Variants in PPFIA4 observed in about 807,000 individuals in gnomAD.
The protein encoded by PPFIA4 is PPFI scaffold protein A4.
PPFIA4 carries 98 observed loss-of-function variants against 145.7 expected under a neutral mutation model. The observed-to-expected ratio is 0.67, with a 90% CI of 0.57 to 0.80. The LOEUF is 0.80. Among genes scored for constraint, PPFIA4 ranks in the 30% least tolerant of loss-of-function variants. PPFIA4 has a pLI of 0.00. For missense variants in PPFIA4, 1,457 were observed against 1,632.7 expected, an observed-to-expected ratio of 0.89 and a Z score of 1.85; for synonymous variants, 628 against 649.6, an observed-to-expected ratio of 0.97 and a Z score of 0.51.
intron 9 of PPFIA4, among the ~76,000 whole-genome samples, chr1:203,047,495 G>A (rs1255794468): frequency 6.6e-6 from 1 of 152,188 alleles, no homozygotes; most frequent in Non-Finnish European, 1.5e-5. Context: ...CGCAGGAGGA[G>A]TTTAAGGAAG....
In PPFIA4 at chr1:203,043,454, G is replaced by T; in HGVS notation, c.292G>T (p.Glu98Ter). The T allele has an allele frequency of 1.2e-6, 2 of 1,611,718 alleles. No individual in the cohort carries two copies. The highest frequency in any genetic ancestry group is 1.7e-6 in the Non-Finnish European group (2 of 1,179,406). Residue 98 changes from glutamate (E) to a stop codon, truncating the protein, a stop_gained, in exon 3 of 30, where the codon GAG (glutamate) becomes TAG (stop). Transcript: ENST00000295706. LOFTEE classifies it high-confidence loss of function. The surrounding 1 kb of genome is among the most constrained non-coding windows in gnomAD (Gnocchi z 4.4). Reference sequence around the variant, plus strand: ...GTGTCGGGAGCAGCTTCTAGAGCGGGAGGAAGAGATATCAGAACTGAAAGC... The same window carrying T: ...GTGTCGGGAGCAGCTTCTAGAGCGGTAGGAAGAGATATCAGAACTGAAAGC... ...SMCREQLLER[E>*]EEISELKAER...
At position 203,075,126 on chromosome 1, in the gene PPFIA4, T is replaced by C. The variant is rs1239360868; in HGVS notation, c.3394-451T>C. Reference sequence around the variant, plus strand: ...CCAGGTGTCTGACTCCCGCCCGACATAGTACTCTTCTGGTATACTGGGCTA... The same window carrying C: ...CCAGGTGTCTGACTCCCGCCCGACACAGTACTCTTCTGGTATACTGGGCTA... On this transcript the variant is annotated intron_variant, in intron 28 of 29. Coordinates refer to ENST00000295706, the MANE Select transcript of PPFIA4 (RefSeq NM_001304331.2). The surrounding 1 kb of genome is among the most constrained non-coding windows in gnomAD (Gnocchi z 4.1). Among the ~76,000 whole-genome samples, 3 of 152,016 alleles carry C rather than the reference T, an allele frequency of 2.0e-5. No homozygotes were observed. The highest frequency in any genetic ancestry group is 4.4e-5 in the Non-Finnish European group (3 of 67,988).
chr1:203,046,173 C>A (rs2102637239), intron 8 of PPFIA4, 75 bp from the exon 9 acceptor site: 1 of 1,535,812 alleles, frequency 6.5e-7, no homozygotes, highest in South Asian at 1.2e-5. Context: ...GTCATCTGCT[C>A]TCTGCTGAGG....
At chr1:203,037,552 G>C (rs1659374710) in intron 1 of PPFIA4, among the ~76,000 whole-genome samples, 1 of 152,242 alleles carries the variant, frequency 6.6e-6, no homozygotes, top group Non-Finnish European at 1.5e-5. Flanking sequence ...AGACAGGGAG[G>C]TTGGAATCTG....
intron 13 of PPFIA4, 91 bp from the exon 14 acceptor site, chr1:203,051,678 G>A (rs990209817): frequency 9.2e-6 from 14 of 1,515,466 alleles, no homozygotes; most frequent in African/African-American, 1.4e-5. Context: ...TCTCTGAGCT[G>A]AAGATCCCTT....
intron 25 of PPFIA4, among the ~76,000 whole-genome samples, chr1:203,065,778 A>G (rs3737883): frequency 0.47 from 71,415 of 152,074 alleles, 17,745 homozygotes; most frequent in South Asian, 0.55. Flanking sequence ...CAAGTTCAAT[A>G]GAGGTTGATT....
intron 4 of PPFIA4, 32 bp downstream of exon 4, chr1:203,044,127 G>C: frequency 6.5e-7 from 1 of 1,548,092 alleles, no homozygotes; most frequent in Non-Finnish European, 8.7e-7. Flanking sequence ...CCCACATCCA[G>C]CCAGGCTGCC....
chr1:203,046,661 CTTTTT>C (rs34854303), intron 9 of PPFIA4, among the ~76,000 whole-genome samples: 11 of 144,520 alleles, frequency 7.6e-5, no homozygotes, highest in Non-Finnish European at 1.5e-4. Flanking sequence ...TTTTCTTTTT[CTTTTT>C]TTTTTTTTTT....
At chr1:203,032,430 T>TTTTTTTTTG (rs57892403) in intron 1 of PPFIA4, among the ~76,000 whole-genome samples, 3 of 139,382 alleles carry the variant, frequency 2.2e-5, no homozygotes, top group African/African-American at 8.0e-5. Flanking sequence ...TCCCCGCTTT[T>TTTTTTTTTG]TTGTTGTTGT....
rs536729268 is a variant in PPFIA4 at position 203,048,799 on chromosome 1, G to A, written c.1356+85G>A. ...GGCGGGACTGTGATGGGCGCAGGCGGGGTCTCAATGGGGTGGGTGGCCAGC... is the reference window on the plus strand; with the variant it reads ...GGCGGGACTGTGATGGGCGCAGGCGAGGTCTCAATGGGGTGGGTGGCCAGC... On this transcript the variant is annotated intron_variant, in intron 11 of 29. Coordinates refer to ENST00000295706, the MANE Select transcript of PPFIA4 (RefSeq NM_001304331.2). This position sits in a 1 kb window ranked among gnomAD's most constrained non-coding sequence, Gnocchi z 5.8. The A allele has an allele frequency of 1.3e-6, 2 of 1,537,436 alleles. No homozygotes were observed. Among genetic ancestry groups the A allele is most frequent in the Non-Finnish European group, 1.8e-6 (2 of 1,139,200 alleles).
intron 2 of PPFIA4, 75 bp downstream of exon 2, chr1:203,039,317 C>G (rs1659536703): frequency 9.3e-7 from 1 of 1,080,406 alleles, no homozygotes; most frequent in Admixed American, 3.0e-5. Context: ...GGGCCCTCAG[C>G]TCATCTGCAT....
At position 203,059,827 on chromosome 1, in the gene PPFIA4, T is replaced by A; in HGVS notation, c.2559T>A (p.Gly853=). Residue 853 remains glycine, a synonymous_variant, in exon 21 of 30, where the codon GGT becomes GGA. Coordinates refer to ENST00000295706, the MANE Select transcript of PPFIA4 (RefSeq NM_001304331.2). The stretch of plus-strand genomic sequence containing the variant: ...GAATGCCCTTTGCCCAGTGGGATGG[T>A]CCTACTGTGGTCTCCTGGTTGGAGG... The part of the protein sequence containing the change: ...RKGMPFAQWD[G]PTVVSWLELW... 1 of 1,612,894 alleles carries A rather than the reference T, an allele frequency of 6.2e-7. No individual in the cohort carries two copies. Among genetic ancestry groups the A allele is most frequent in the Non-Finnish European group, 8.5e-7 (1 of 1,179,444 alleles).
At chr1:203,061,193 G>A (rs1008650917) in intron 23 of PPFIA4, among the ~76,000 whole-genome samples, 161 bp downstream of exon 23, 1 of 152,184 alleles carries the variant, frequency 6.6e-6, no homozygotes, top group African/African-American at 2.4e-5. Context: ...GAGGGTTGTC[G>A]GGAGAGGGGT....
intron 9 of PPFIA4, among the ~76,000 whole-genome samples, chr1:203,047,450 C>T (rs16850943): frequency 0.024 from 3,639 of 152,134 alleles, 123 homozygotes; most frequent in Admixed American, 0.072. Flanking sequence ...CATGAAGGCA[C>T]GGGCTGAAAT....
chr1:203,030,495 G>A (rs1373825421), intron 1 of PPFIA4, among the ~76,000 whole-genome samples: 2 of 152,224 alleles, frequency 1.3e-5, no homozygotes, highest in African/African-American at 4.8e-5. Context: ...GGGAGATGGT[G>A]CAGTGCATCC....
chr1:203,046,461 G>T (rs575533447), intron 9 of PPFIA4, 79 bp downstream of exon 9: 2 of 1,466,678 alleles, frequency 1.4e-6, no homozygotes, highest in East Asian at 2.5e-5. Context: ...GGAAGGGAGC[G>T]CGTGGGAGGC....
intron 9 of PPFIA4, 128 bp downstream of exon 9, chr1:203,046,510 T>C (rs2102638285): frequency 4.4e-6 from 5 of 1,127,864 alleles, no homozygotes; most frequent in South Asian, 1.6e-5. Context: ...TCCCGCCGTG[T>C]GATTCCAGGG....
At chr1:203,056,228 C>G (rs1224093027) in intron 17 of PPFIA4, 73 bp downstream of exon 17, 1 of 1,608,298 alleles carries the variant, frequency 6.2e-7, no homozygotes, top group Non-Finnish European at 8.5e-7. Context: ...GCTTCCTCCC[C>G]CAGGGCCCTT....
In PPFIA4 at chr1:203,039,121, A is replaced by G; in HGVS notation, c.113A>G (p.Glu38Gly). Residue 38 changes from glutamate (E) to glycine (G), a missense_variant, in exon 2 of 30, where the codon GAG (glutamate) becomes GGG (glycine). This residue lies in a region of PPFIA4 where 463 missense variants were observed against 459.8 expected (regional missense o/e 1.01). Coordinates refer to ENST00000295706, the MANE Select transcript of PPFIA4 (RefSeq NM_001304331.2). ...QLMVNMLDER[E>G]KLLESLRESQ... ...ATGGTGAACATGCTGGACGAGCGGG[A>G]GAAGTTGCTGGAGTCTCTTCGGGAG... The G allele has an allele frequency of 6.2e-7, 1 of 1,608,110 alleles. No individual in the cohort carries two copies. Among genetic ancestry groups the G allele is most frequent in the South Asian group, 1.1e-5 (1 of 90,252 alleles).
Sources: allele counts gnomAD v4.1 joint callset (sites outside exome capture counted in the v4.1 genomes callset), GRCh38; gene constraint gnomAD v4.1.1; regional missense constraint gnomAD v4.1.1; non-coding constraint Gnocchi (gnomAD v3.1); transcripts MANE v1.5; gene names NCBI Gene and HGNC (gene_info 2026-07-23, HGNC 2026-07-21).